Variants in PIBF1 observed in about 807,000 individuals in gnomAD.
PIBF1 encodes progesterone immunomodulatory binding factor 1.
In PIBF1, 90 loss-of-function variants were observed where a neutral mutation model predicts 112.5. The ratio of observed to expected loss-of-function variants is 0.80; its 90% CI spans 0.67 to 0.95. The LOEUF (loss-of-function observed/expected upper bound fraction) is 0.95. Among genes scored for constraint, PIBF1 ranks in the 40% least tolerant of loss-of-function variants. The pLI is 0.00. For synonymous variants in PIBF1, 301 were observed against 288.6 expected (o/e 1.04, Z -0.44); for missense variants, 915 against 852.3 (o/e 1.07, Z -0.92).
In PIBF1 at chr13:72,792,545, C is replaced by A; in HGVS notation, c.351C>A (p.Ala117=). 3 of 1,474,164 alleles carry A rather than the reference C, an allele frequency of 2.0e-6. No individual in the cohort carries two copies. Among genetic ancestry groups the A allele is most frequent in the South Asian group, 2.6e-5 (2 of 76,180 alleles). 91.3% of individuals were successfully genotyped at this position (1,474,164 alleles called of 1,614,324 possible). Residue 117 remains alanine, a splice_region_variant and synonymous_variant, in exon 3 of 18, where the codon GCC becomes GCA. Transcript: ENST00000326291. ...DNQLAFQQKD[A]SKYQELMKQE... The stretch of plus-strand genomic sequence containing the variant: ...AATTGGCTTTTCAACAGAAAGATGC[C>A]AGGTAAGAAAAGTTTTTTTTAAAAA...
chr13:72,826,164 A>T (rs1454311512), intron 6 of PIBF1, among the ~76,000 whole-genome samples: 1 of 152,086 alleles, frequency 6.6e-6, no homozygotes, highest in African/African-American at 2.4e-5. Context: ...AAAGCACAAA[A>T]TACGTATAGT....
intron 5 of PIBF1, among the ~76,000 whole-genome samples, chr13:72,805,434 A>G (rs1265569471): frequency 1.3e-5 from 2 of 152,232 alleles, no homozygotes; most frequent in East Asian, 3.9e-4. Context: ...GAGCCACCAC[A>G]CCTGGCCTGA....
At chr13:72,790,508 CACATAGATAGATAG>C (rs1289878728) in intron 2 of PIBF1, among the ~76,000 whole-genome samples, 10 of 132,320 alleles carry the variant, frequency 7.6e-5, no homozygotes, top group African/African-American at 1.2e-4. Context: ...ATCACACACA[CACATAGATAGATAG>C]ATAGATAGAT....
At chr13:72,914,684 A>G (rs539839621) in intron 12 of PIBF1, among the ~76,000 whole-genome samples, 3 of 152,278 alleles carry the variant, frequency 2.0e-5, no homozygotes, top group African/African-American at 4.8e-5. Flanking sequence ...CCTGGGCTCA[A>G]GTGATTCCCC....
chr13:72,964,174 A>G (rs779555651), intron 14 of PIBF1, among the ~76,000 whole-genome samples: 2 of 152,284 alleles, frequency 1.3e-5, no homozygotes, highest in African/African-American at 2.4e-5. Flanking sequence ...AAGTTCTGAT[A>G]CATGATACAA....
intron 12 of PIBF1, among the ~76,000 whole-genome samples, chr13:72,914,171 A>G (rs1265195314): frequency 6.6e-6 from 1 of 152,200 alleles, no homozygotes; most frequent in Non-Finnish European, 1.5e-5. Flanking sequence ...TTGCCATTTA[A>G]TTCGGGTAAT....
At chr13:72,894,168 A>C (rs2040177144) in intron 11 of PIBF1, among the ~76,000 whole-genome samples, 1 of 152,008 alleles carries the variant, frequency 6.6e-6, no homozygotes, top group Non-Finnish European at 1.5e-5. Context: ...GTCATTCACA[A>C]TAGCAACCAA....
chr13:72,905,031 C>T (rs1311126719), intron 11 of PIBF1, among the ~76,000 whole-genome samples: 2 of 150,858 alleles, frequency 1.3e-5, no homozygotes, highest in East Asian at 2.0e-4. Context: ...GTGATTAGAC[C>T]TTAACACCTG....
intron 12 of PIBF1, among the ~76,000 whole-genome samples, chr13:72,912,154 A>G (rs1295936182): frequency 6.6e-6 from 1 of 152,200 alleles, no homozygotes; most frequent in Non-Finnish European, 1.5e-5. Context: ...ACACAGAACC[A>G]GCCCTACAAA....
At chr13:72,875,075 A>G (rs2039338765) in intron 10 of PIBF1, among the ~76,000 whole-genome samples, 1 of 152,200 alleles carries the variant, frequency 6.6e-6, no homozygotes, top group Non-Finnish European at 1.5e-5. Context: ...CTATCAATGT[A>G]GTATCATTCA....
intron 10 of PIBF1, among the ~76,000 whole-genome samples, chr13:72,866,155 A>G (rs1021567943): frequency 1.3e-5 from 2 of 152,068 alleles, no homozygotes; most frequent in Non-Finnish European, 2.9e-5. Context: ...TGTGCCTCTT[A>G]TATGGATATA....
intron 12 of PIBF1, among the ~76,000 whole-genome samples, chr13:72,916,234 C>A (rs2041087059): frequency 6.6e-6 from 1 of 150,986 alleles, no homozygotes. Context: ...ACTAAAAATA[C>A]AAAAAAAATT....
chr13:72,917,972 G>A (rs547602454), intron 13 of PIBF1, among the ~76,000 whole-genome samples: 1 of 152,262 alleles, frequency 6.6e-6, no homozygotes, highest in African/African-American at 2.4e-5. Flanking sequence ...AATGTACACT[G>A]GAACCATGCA....
At chr13:72,941,637 C>T (rs1057238561) in intron 14 of PIBF1, among the ~76,000 whole-genome samples, 20 of 152,274 alleles carry the variant, frequency 1.3e-4, no homozygotes, top group African/African-American at 4.1e-4. Context: ...CATGCACAGT[C>T]ATCAGTAACC....
chr13:72,784,538 G>T (rs974168350), intron 2 of PIBF1, among the ~76,000 whole-genome samples: 4 of 151,940 alleles, frequency 2.6e-5, no homozygotes, highest in Non-Finnish European at 5.9e-5. Flanking sequence ...CCAGTGGATT[G>T]CTCCAAGCTC....
intron 10 of PIBF1, among the ~76,000 whole-genome samples, chr13:72,867,847 G>A (rs998418403): frequency 1.3e-5 from 2 of 152,134 alleles, no homozygotes; most frequent in African/African-American, 2.4e-5. Flanking sequence ...TTAGACAGTC[G>A]CATATCTATC....
chr13:72,804,977 A>T (rs889371300), intron 5 of PIBF1, among the ~76,000 whole-genome samples: 8 of 151,932 alleles, frequency 5.3e-5, no homozygotes, highest in Admixed American at 4.6e-4. Flanking sequence ...AAGTTACTAA[A>T]TTTTTTCTTT....
intron 14 of PIBF1, among the ~76,000 whole-genome samples, chr13:72,940,201 GT>G (rs939094692): frequency 3.3e-5 from 5 of 151,926 alleles, no homozygotes; most frequent in Non-Finnish European, 7.4e-5. Flanking sequence ...GTTCTCTTCA[GT>G]TTTTTTCAGT....
chr13:72,995,753 C>T (rs776093508), intron 16 of PIBF1, among the ~76,000 whole-genome samples: 4 of 151,904 alleles, frequency 2.6e-5, no homozygotes, highest in Non-Finnish European at 2.9e-5. Context: ...ACTTCAAGAC[C>T]AGCCTGGCCA....
Sources: gnomAD v4.1 joint callset for allele counts (sites outside exome capture counted in the v4.1 genomes callset) on GRCh38, gnomAD v4.1.1 for gene constraint, MANE v1.5 for transcripts, NCBI Gene and HGNC (gene_info 2026-07-23, HGNC 2026-07-21) for gene names.